POLR2E: variants seen among roughly 807,000 people sequenced by gnomAD.
POLR2E encodes the protein DNA-directed RNA polymerases I, II, and III subunit RPABC1.
A neutral mutation model predicts 29.8 loss-of-function variants in POLR2E; 35 were observed. The ratio of observed to expected loss-of-function variants is 1.17; its 90% CI spans 0.90 to 1.55. The LOEUF (loss-of-function observed/expected upper bound fraction) is 1.55, where lower values mean the gene tolerates loss of function less well. POLR2E is among the 40% of genes most tolerant of loss of function. The probability of loss-of-function intolerance (pLI) is 0.00; values close to 1 mark genes in which losing one functional copy is unlikely to be tolerated. For synonymous variants in POLR2E, 174 were observed against 112.6 expected, an observed-to-expected ratio of 1.55 and a Z score of -3.45; for missense variants, 287 against 288.6, an observed-to-expected ratio of 0.99 and a Z score of 0.04.
intron 1 of POLR2E, 74 bp from the exon 2 acceptor site, chr19:1,094,152 G>A (rs2043895758): frequency 2.1e-6 from 3 of 1,410,536 alleles, no homozygotes; most frequent in Admixed American, 2.0e-5. Context: ...CCGGAAGTCA[G>A]ACCTGCGGCT....
rs770934264 is a variant in POLR2E, at chr19:1,091,792, C to G, written c.348G>C (p.Gln116His). ...GGCGGGGTGGGGCAGGGGTGCCCACCTGCTTGGCGGAGGGTGTCATGCCCT... is the reference window on the plus strand; with the variant it reads ...GGCGGGGTGGGGCAGGGGTGCCCACGTGCTTGGCGGAGGGTGTCATGCCCT... ...VQQGMTPSAK[Q>H]SLVDMAPKYI... is the part of the protein sequence containing the mutation. The change falls in exon 3 of 8, where the codon CAG becomes CAC. Residue 116 changes from glutamine (Q) to histidine (H), a missense_variant and splice_region_variant. Coordinates refer to ENST00000615234, the MANE Select transcript of POLR2E (RefSeq NM_002695.5). The G allele has an allele frequency of 6.2e-7, 1 of 1,601,356 alleles. No individual in the cohort carries two copies. The highest frequency in any genetic ancestry group is 1.3e-5 in the African/African-American group (1 of 74,820).
At chr19:1,093,799 A>G in intron 2 of POLR2E, 105 bp downstream of exon 2, 2 of 1,437,200 alleles carry the variant, frequency 1.4e-6, no homozygotes, top group Non-Finnish European at 1.8e-6. Context: ...CTGGGCAGAG[A>G]GACAAATGCT....
chr19:1,092,101 T>A (rs1313361402), intron 2 of POLR2E, among the ~76,000 whole-genome samples, 194 bp from the exon 3 acceptor site: 1 of 152,128 alleles, frequency 6.6e-6, no homozygotes, highest in Non-Finnish European at 1.5e-5. Flanking sequence ...CTGAAACCTC[T>A]CATTCACCCG....
Position 1,088,689 on chromosome 19 carries a change from G to A in POLR2E, c.*46C>T, listed in dbSNP as rs1427903778. The stretch of plus-strand genomic sequence containing the variant: ...AGGGCAGGGGCGTTTGTCCTGCAGG[G>A]ATGGGGGTCGCTGTGTGTCCGCCTC... On this transcript the variant is annotated 3_prime_UTR_variant, in exon 8 of 8. Coordinates refer to ENST00000615234, the MANE Select transcript of POLR2E (RefSeq NM_002695.5). The A allele has an allele frequency of 6.6e-6, 1 of 152,272 alleles. No individual in the cohort carries two copies. The highest frequency in any genetic ancestry group is 1.5e-5 in the Non-Finnish European group (1 of 68,102). The allele number at this position is 152,272 out of a possible 1,614,324, so 9.4% of individuals were successfully genotyped here. A position where few individuals can be genotyped will look rare whatever the true frequency, so the allele number is the denominator to read the frequency against.
At chr19:1,090,345 GCAGA>G (rs2043802429) in intron 4 of POLR2E, among the ~76,000 whole-genome samples, 200 bp from the exon 5 acceptor site, 1 of 151,822 alleles carries the variant, frequency 6.6e-6, no homozygotes, top group Non-Finnish European at 1.5e-5. Context: ...GGCTTCTGAG[GCAGA>G]CGGGCTGGGC....
At chr19:1,093,804 A>G (rs2043888428) in intron 2 of POLR2E, 100 bp downstream of exon 2, 1 of 1,442,138 alleles carries the variant, frequency 6.9e-7, no homozygotes, top group African/African-American at 1.5e-5. Context: ...CAGAGAGACA[A>G]ATGCTGGGCA....
chr19:1,091,770 G>A (rs1006755592), intron 3 of POLR2E, 22 bp downstream of exon 3: 6 of 1,480,660 alleles, frequency 4.1e-6, no homozygotes, highest in East Asian at 2.3e-5. Flanking sequence ...AGAGGCTGGC[G>A]GGGTGGGGCA....
At position 1,087,405 on chromosome 19, in the gene POLR2E, G is replaced by C. The variant is rs187639571; in HGVS notation, c.*1330C>G. ...CGACCTCAGGTGATCCGCCCACCTC[G>C]GCCTCCCAAAGTGCTGGGATTACAG... On this transcript the variant is annotated 3_prime_UTR_variant, in exon 8 of 8. Transcript: ENST00000615234. 6.6e-6 allele frequency: 1 copy of C among 151,406 alleles called. No homozygotes were observed. Among genetic ancestry groups the C allele is most frequent in the Non-Finnish European group, 1.5e-5 (1 of 67,882 alleles). The allele number at this position is 151,406 out of a possible 1,614,324, so 9.4% of individuals were successfully genotyped here.
rs1318062110 is a variant in POLR2E, at chr19:1,088,635, C to CGTGAGAGCT, written c.*91_*99dup. 6.6e-6 allele frequency: 1 copy of CGTGAGAGCT among 152,616 alleles called. No individual in the cohort carries two copies. Among genetic ancestry groups the CGTGAGAGCT allele is most frequent in the African/African-American group, 2.4e-5 (1 of 41,446 alleles). 9.5% of individuals were successfully genotyped at this position (152,616 alleles called of 1,614,324 possible). On this transcript the variant is annotated 3_prime_UTR_variant, in exon 8 of 8. Coordinates refer to ENST00000615234, the MANE Select transcript of POLR2E (RefSeq NM_002695.5). ...TTGGGGAGTCCAGAGGAGCAGCAGC[C>CGTGAGAGCT]GTGAGAGCTGTGGGGGCCGGATTCT...
intron 2 of POLR2E, chr19:1,092,436 TCG>T (rs2043854469): frequency 6.5e-6 from 1 of 152,894 alleles, no homozygotes; most frequent in Non-Finnish European, 1.5e-5. Context: ...GCGCGGTGGC[TCG>T]CACCTGTAAT....
rs765020060 is a variant in POLR2E at position 1,090,981 on chromosome 19, A to G, written c.356T>C (p.Val119Ala). Residue 119 changes from valine (V) to alanine (A), a missense_variant, in exon 4 of 8, where the codon GTC becomes GCC. By Grantham distance (64) the Val-to-Ala change is moderately conservative (BLOSUM62 0). Coordinates refer to ENST00000615234, the MANE Select transcript of POLR2E (RefSeq NM_002695.5). ...GMTPSAKQSL[V>A]DMAPKYILEQ... is the part of the protein sequence containing the mutation. ...CAGGATGTACTTGGGGGCCATGTCGACCAGGGACTGGAAGAGAGCGGCTCT... is the reference window on the plus strand; with the variant it reads ...CAGGATGTACTTGGGGGCCATGTCGGCCAGGGACTGGAAGAGAGCGGCTCT... 6.2e-7 allele frequency: 1 copy of G among 1,613,622 alleles called. No individual in the cohort carries two copies. Among genetic ancestry groups the G allele is most frequent in the Non-Finnish European group, 8.5e-7 (1 of 1,179,954 alleles).
At chr19:1,091,982 C>T (rs2043843108) in intron 2 of POLR2E, 75 bp from the exon 3 acceptor site, 4 of 1,016,412 alleles carry the variant, frequency 3.9e-6, no homozygotes, top group Non-Finnish European at 6.2e-6. Flanking sequence ...CCCAGAGCAC[C>T]CAGGTTCCAG....
In POLR2E at chr19:1,093,947, G is replaced by A; in HGVS notation, c.189C>T (p.Ala63=). Residue 63 remains alanine, a synonymous_variant, in exon 2 of 8, where the codon GCC becomes GCT. Transcript: ENST00000615234. ...TCTGGTCGGTGGGGTCATCGTTGTG[G>A]GCCACCAGCACGGTGAGGTCCGTGC... ...PRRTDLTVLV[A]HNDDPTDQMF... 2 of 1,612,264 alleles carry A rather than the reference G, an allele frequency of 1.2e-6. No individual in the cohort carries two copies. Among genetic ancestry groups the A allele is most frequent in the Non-Finnish European group, 1.7e-6 (2 of 1,179,330 alleles).
rs538071326 is a variant in POLR2E at position 1,095,319 on chromosome 19, A to C, written c.-4T>G. On this transcript the variant is annotated 5_prime_UTR_variant, in exon 1 of 8. Coordinates refer to ENST00000615234, the MANE Select transcript of POLR2E (RefSeq NM_002695.5). ...ACGTCTCCTCCTCGTCGTCCATGGC[A>C]GCCTCCGCCGCCGCCGCCGCTCGCA... 5.8e-5 allele frequency: 93 copies of C among 1,612,054 alleles called. No homozygotes were observed. Among genetic ancestry groups the C allele is most frequent in the Non-Finnish European group, 1.4e-5 (16 of 1,179,556 alleles).
At chr19:1,093,116 GTGGAGGCTGCA>G (rs377439196) in intron 2 of POLR2E, among the ~76,000 whole-genome samples, 9 of 151,932 alleles carry the variant, frequency 5.9e-5, no homozygotes, top group African/African-American at 2.2e-4. Context: ...AACTCAGGAG[GTGGAGGCTGCA>G]GCAAGCCGAG....
intron 6 of POLR2E, 66 bp downstream of exon 6, chr19:1,089,818 G>GA: frequency 7.6e-7 from 1 of 1,313,324 alleles, no homozygotes; most frequent in Admixed American, 1.8e-5. Context: ...GGGAGGGACA[G>GA]AAGCCCCCTT....
At position 1,090,916 on chromosome 19, in the gene POLR2E, C is replaced by A; in HGVS notation, c.421G>T (p.Glu141Ter). ...CCGCGGCGCGCGCCCACCTCGTGCT[C>A]CGTGATGTTGATGAGCAGCTCCTGC... ...LQQELLINITEHELVPEHVVM... is the reference protein window; with the variant it reads ...LQQELLINIT The change falls in exon 4 of 8, where the codon GAG (glutamate) becomes TAG (stop). Residue 141 changes from glutamate (E) to a stop codon, truncating the protein, a stop_gained. Coordinates refer to ENST00000615234, the MANE Select transcript of POLR2E (RefSeq NM_002695.5). LOFTEE classifies it high-confidence loss of function. 1 of 1,613,110 alleles carries A rather than the reference C, an allele frequency of 6.2e-7. No homozygotes were observed. Among genetic ancestry groups the A allele is most frequent in the South Asian group, 1.1e-5 (1 of 91,086 alleles).
rs376798581 is a variant in POLR2E at position 1,094,086 on chromosome 19, G to A, written c.58-8C>T. 3.4e-5 allele frequency: 54 copies of A among 1,604,130 alleles called. No homozygotes were observed. Among genetic ancestry groups the A allele is most frequent in the Middle Eastern group, 1.7e-4 (1 of 6,040 alleles). On this transcript the variant is annotated splice_region_variant and splice_polypyrimidine_tract_variant and intron_variant, in intron 1 of 7. Coordinates refer to ENST00000615234, the MANE Select transcript of POLR2E (RefSeq NM_002695.5). ...GCCACGGTCGTGGCACAGCTGCAGA[G>A]AGAAAGAACCAGCTGACCCCAGGGC... is the stretch of plus-strand genomic sequence containing the variant.
At chr19:1,091,994 C>T in intron 2 of POLR2E, 87 bp from the exon 3 acceptor site, 1 of 897,836 alleles carries the variant, frequency 1.1e-6, no homozygotes, top group Non-Finnish European at 1.8e-6. Context: ...AGGTTCCAGC[C>T]CCATTCCACA....
Sources: gnomAD v4.1 joint callset for allele counts (sites outside exome capture counted in the v4.1 genomes callset) on GRCh38, gnomAD v4.1.1 for gene constraint, MANE v1.5 for transcripts, NCBI Gene and HGNC (gene_info 2026-07-23, HGNC 2026-07-21) for gene names.